The following MYBPC1 variants were observed in gnomAD, a reference collection of about 807,000 sequenced individuals.
MYBPC1 encodes the protein myosin binding protein C1.
MYBPC1 carries 52 observed loss-of-function variants against 147.1 expected under a neutral mutation model. The observed-to-expected ratio is 0.35, with a 90% CI of 0.28 to 0.45. MYBPC1 has a LOEUF of 0.45. Among genes scored for constraint, MYBPC1 ranks in the 20% least tolerant of loss-of-function variants. The pLI, the probability that MYBPC1 is intolerant of heterozygous loss-of-function variation, is 1.00. For synonymous variants in MYBPC1, 477 were observed against 475.9 expected, an observed-to-expected ratio of 1.00 and a Z score of -0.03; for missense variants, 1,228 against 1,440.3, an observed-to-expected ratio of 0.85 and a Z score of 2.39.
At chr12:101,629,378 C>G in intron 5 of MYBPC1, 56 bp from the exon 6 acceptor site, 2 of 1,198,380 alleles carry the variant, frequency 1.7e-6, no homozygotes, top group Admixed American at 3.4e-5. Context: ...CCAGGTAAGA[C>G]TGCCTAAGAA....
At position 101,635,146 on chromosome 12, in the gene MYBPC1, C is replaced by T. The variant is rs551519119; in HGVS notation, c.608+541C>T. ...CTACAGAAAGGCAAAATTTAGATAC[C>T]TATTTCATATATTTTTGCAATTACC... On this transcript the variant is annotated intron_variant, in intron 9 of 31. Transcript: ENST00000361466. 1.1e-4 allele frequency among the ~76,000 whole-genome samples: 16 copies of T among 152,162 alleles called. No homozygotes were observed. In the South Asian group the frequency reaches 3.1e-3, roughly 30 times the overall value.
intron 1 of MYBPC1, among the ~76,000 whole-genome samples, chr12:101,606,667 G>T (rs955853748): frequency 2.6e-5 from 4 of 152,082 alleles, no homozygotes; most frequent in African/African-American, 9.7e-5. Flanking sequence ...GACCCATAAT[G>T]CCTATAATGA....
chr12:101,664,217 A>G (rs1232909468), intron 22 of MYBPC1, among the ~76,000 whole-genome samples: 2 of 152,344 alleles, frequency 1.3e-5, no homozygotes, highest in East Asian at 3.9e-4. Context: ...GAAATAATAG[A>G]AAAAGAAAAA....
At chr12:101,689,437 A>C (rs1225153062), downstream of MYBPC1, among the ~76,000 whole-genome samples, 1 of 152,206 alleles carries the variant, frequency 6.6e-6, no homozygotes, top group Non-Finnish European at 1.5e-5. Context: ...GGTCAAACCC[A>C]GTATGGTTCA....
chr12:101,662,174 C>G (rs1896688823), intron 20 of MYBPC1, among the ~76,000 whole-genome samples, 184 bp from the exon 21 acceptor site: 1 of 151,960 alleles, frequency 6.6e-6, no homozygotes, highest in Admixed American at 6.6e-5. Flanking sequence ...TTATTTTCAT[C>G]TATATTTTAT....
chr12:101,662,300 CA>C lies in MYBPC1; in HGVS notation c.2033-56del, dbSNP rs1363718198. On this transcript the variant is annotated intron_variant, in intron 20 of 31. Transcript: ENST00000361466. Reference sequence around the variant, plus strand: ...AATTTTAAGGACTTCTATTATCTGACAATGTTTAATTTCAGAGACCAAGGAA... The same window carrying C: ...AATTTTAAGGACTTCTATTATCTGACATGTTTAATTTCAGAGACCAAGGAA... The C allele has an allele frequency of 7.0e-5, 109 of 1,565,554 alleles. No homozygotes were observed. The African/African-American group carries it at 1.4e-3, about 20-fold the overall frequency.
chr12:101,687,247 T>C (rs764237330), downstream of MYBPC1, among the ~76,000 whole-genome samples: 57 of 151,396 alleles, frequency 3.8e-4, no homozygotes, highest in Non-Finnish European at 1.3e-4. Flanking sequence ...CAACAGGCCC[T>C]GGTGTGTGAT....
chr12:101,603,698 T>G (rs1344287168), intron 1 of MYBPC1, among the ~76,000 whole-genome samples: 2 of 152,170 alleles, frequency 1.3e-5, no homozygotes, highest in Admixed American at 1.3e-4. Flanking sequence ...TCCCAGCATT[T>G]TGGGAGGCCA....
intron 24 of MYBPC1, among the ~76,000 whole-genome samples, chr12:101,672,940 T>C (rs192823244): frequency 6.6e-6 from 1 of 152,334 alleles, no homozygotes; most frequent in Admixed American, 6.5e-5. Context: ...CTCTTTGAGA[T>C]AGGTACTACC....
At chr12:101,666,535 A>G (rs1594001299) in intron 22 of MYBPC1, 1 of 539,148 alleles carries the variant, frequency 1.9e-6, no homozygotes, top group South Asian at 2.0e-5. Context: ...CAGGTGCCTC[A>G]GGTCAGAAGC....
intron 10 of MYBPC1, chr12:101,637,045 T>TACGATTCCGTCTC (rs1353293918): frequency 3.8e-4 from 28 of 73,836 alleles, no homozygotes; most frequent in Non-Finnish European, 4.8e-4. Flanking sequence ...AGACTGCACA[T>TACGATTCCGTCTC]ATGATTTGGT....
At chr12:101,693,691 T>C in the MYBPC1 span, among the ~76,000 whole-genome samples, 1 of 152,176 alleles carries the variant, frequency 6.6e-6, no homozygotes, top group Non-Finnish European at 1.5e-5. Flanking sequence ...TGAGTTCAGA[T>C]TGCGCCACTG....
At chr12:101,641,399 G>A (rs928903103) in intron 10 of MYBPC1, among the ~76,000 whole-genome samples, 4 of 152,096 alleles carry the variant, frequency 2.6e-5, no homozygotes, top group African/African-American at 7.2e-5. Context: ...TACTAAGCCT[G>A]TTTTCCAAAA....
At chr12:101,633,422 T>C (rs886243197) in intron 8 of MYBPC1, among the ~76,000 whole-genome samples, 9 of 152,120 alleles carry the variant, frequency 5.9e-5, no homozygotes, top group African/African-American at 1.2e-4. Flanking sequence ...GGCACGGTGG[T>C]TCACGCCTGT....
intron 6 of MYBPC1, among the ~76,000 whole-genome samples, chr12:101,630,773 T>C (rs1889726681): frequency 6.6e-6 from 1 of 152,168 alleles, no homozygotes; most frequent in South Asian, 2.1e-4. Context: ...CCAAGTGCTA[T>C]GAAGGGATGG....
Position 101,627,634 on chromosome 12 carries a change from C to T in MYBPC1, c.143-135C>T, listed in dbSNP as rs150731069. 5.7e-5 allele frequency: 53 copies of T among 933,852 alleles called. No individual in the cohort carries two copies. In the East Asian group the frequency reaches 1.3e-3, roughly 23 times the overall value. The allele number at this position is 933,852 out of a possible 1,614,324, so 57.8% of individuals were successfully genotyped here. On this transcript the variant is annotated intron_variant, in intron 4 of 31. Transcript: ENST00000361466. The stretch of plus-strand genomic sequence containing the variant: ...GAGCTCTACTGATTTTCCATCCAAG[C>T]CAACTTGTAGGGTTTTTTCCTTCCT...
chr12:101,678,387 C>T (rs1900528217), intron 28 of MYBPC1, 149 bp downstream of exon 28: 3 of 1,170,956 alleles, frequency 2.6e-6, no homozygotes, highest in East Asian at 2.4e-5. Flanking sequence ...GATTATTAGG[C>T]ACACTATTCA....
Position 101,648,038 on chromosome 12 carries a change from A to G in MYBPC1, c.1091-7A>G, listed in dbSNP as rs764668572. The G allele has an allele frequency of 8.1e-6, 13 of 1,597,612 alleles. No homozygotes were observed. In the South Asian group the frequency reaches 1.2e-4, roughly 15 times the overall value. On this transcript the variant is annotated splice_polypyrimidine_tract_variant and splice_region_variant and intron_variant, in intron 13 of 31. Transcript: ENST00000361466. Reference sequence around the variant, plus strand: ...AATGATTCTGATTTCCCCTTTTTGTATACTAGAGCCTCCAATTATGGTGAC... The same window carrying G: ...AATGATTCTGATTTCCCCTTTTTGTGTACTAGAGCCTCCAATTATGGTGAC...
At chr12:101,683,167 C>T (rs1951127515) in intron 30 of MYBPC1, among the ~76,000 whole-genome samples, 2 of 152,044 alleles carry the variant, frequency 1.3e-5, no homozygotes, top group African/African-American at 4.8e-5. Context: ...TGATGGTTCT[C>T]GCCTATAATC....
Sources: allele counts gnomAD v4.1 joint callset (sites outside exome capture counted in the v4.1 genomes callset), GRCh38; gene constraint gnomAD v4.1.1; transcripts MANE v1.5; gene names NCBI Gene and HGNC (gene_info 2026-07-23, HGNC 2026-07-21).